LRRC69: variants seen among roughly 807,000 people sequenced by gnomAD.
The protein encoded by LRRC69 is leucine-rich repeat-containing protein 69.
In LRRC69, 42 loss-of-function variants were observed where a neutral mutation model predicts 37.8. That is an observed-to-expected ratio of 1.11 (90% CI 0.87 to 1.44). The LOEUF is 1.44. Ranked by LOEUF, LRRC69 falls within the 40% of genes most tolerant of loss-of-function variation. The pLI, the probability that LRRC69 is intolerant of heterozygous loss-of-function variation, is 0.00. For synonymous variants in LRRC69, 141 were observed against 143.1 expected, an observed-to-expected ratio of 0.99 and a Z score of 0.11; for missense variants, 357 against 401.9, an observed-to-expected ratio of 0.89 and a Z score of 0.96.
At chr8:91,206,329 A>C (rs1007571435) in intron 7 of LRRC69, among the ~76,000 whole-genome samples, 4 of 152,226 alleles carry the variant, frequency 2.6e-5, no homozygotes, top group African/African-American at 9.6e-5. Context: ...GTGGTTGAGC[A>C]GGAATTTGAA....
intron 6 of LRRC69, among the ~76,000 whole-genome samples, chr8:91,198,849 A>G (rs1022665282): frequency 2.0e-5 from 3 of 152,168 alleles, no homozygotes; most frequent in Non-Finnish European, 2.9e-5. Context: ...TGCCAATAGT[A>G]TTTTATTTTA....
intron 7 of LRRC69, among the ~76,000 whole-genome samples, chr8:91,204,671 C>A (rs536320345): frequency 2.0e-5 from 3 of 152,240 alleles, no homozygotes; most frequent in Non-Finnish European, 4.4e-5. Context: ...TCCCCAGGGA[C>A]AATCGATGAG....
chr8:91,128,342 T>C (rs1190876445), intron 3 of LRRC69, among the ~76,000 whole-genome samples: 9 of 152,068 alleles, frequency 5.9e-5, no homozygotes, highest in Non-Finnish European at 8.8e-5. Flanking sequence ...CTGTTTGGAA[T>C]ACAAATTACA....
chr8:91,166,493 A>G lies in LRRC69; in HGVS notation c.652-23029A>G, dbSNP rs1159001077. Among the ~76,000 whole-genome samples the G allele has an allele frequency of 1.3e-3, 18 of 13,674 alleles. 1 individual carries two copies. In the East Asian group the frequency reaches 0.015, roughly 12 times the overall value. The allele number at this position is 13,674 out of a possible 152,430, so 9.0% of individuals were successfully genotyped here. A position where few individuals can be genotyped will look rare whatever the true frequency, so the allele number is the denominator to read the frequency against. ...GAAGAGGGGGTTGTAAAATAAACTG[A>G]AAAAAAAAAAAAAAAAAAAAAAACC... is the stretch of plus-strand genomic sequence containing the variant. On this transcript the variant is annotated intron_variant, in intron 5 of 7. Transcript: ENST00000448384.
chr8:91,159,933 C>T lies in LRRC69; in HGVS notation c.651+24194C>T, dbSNP rs570245764. ...CCAACAACAGTGAACTGATGTTGTT[C>T]CTTGGAATAAAAGTCAATCCCCACC... On this transcript the variant is annotated intron_variant, in intron 5 of 7. Transcript: ENST00000448384. 8.2e-4 allele frequency among the ~76,000 whole-genome samples: 123 copies of T among 150,882 alleles called. 1 individual carries two copies. The Middle Eastern group carries it at 0.01, about 13-fold the overall frequency.
At chr8:91,142,777 T>C (rs1433366128) in intron 5 of LRRC69, among the ~76,000 whole-genome samples, 5 of 152,026 alleles carry the variant, frequency 3.3e-5, no homozygotes, top group Non-Finnish European at 5.9e-5. Flanking sequence ...GGCTACACTG[T>C]CAGGACTCCT....
chr8:91,216,227 A>G (rs1586297146), intron 7 of LRRC69, among the ~76,000 whole-genome samples: 1 of 152,144 alleles, frequency 6.6e-6, no homozygotes, highest in East Asian at 1.9e-4. Flanking sequence ...TAACTAAACA[A>G]TGTTTCCCCC....
intron 7 of LRRC69, among the ~76,000 whole-genome samples, chr8:91,212,441 C>A (rs1809947244): frequency 6.6e-6 from 1 of 152,070 alleles, no homozygotes; most frequent in South Asian, 2.1e-4. Context: ...ATTAAAACTA[C>A]CCTCAAAAGA....
chr8:91,152,292 A>G (rs1001479177), intron 5 of LRRC69, among the ~76,000 whole-genome samples: 1 of 151,222 alleles, frequency 6.6e-6, no homozygotes, highest in Admixed American at 6.6e-5. Context: ...TTCAATCTTG[A>G]GTTAATTTTT....
intron 7 of LRRC69, chr8:91,206,937 G>C: frequency 1.0e-6 from 1 of 959,522 alleles, no homozygotes; most frequent in Non-Finnish European, 1.4e-6. Context: ...AGAGAGTCTG[G>C]GCTATGTTTC....
At chr8:91,175,292 T>G (rs1410293925) in intron 5 of LRRC69, among the ~76,000 whole-genome samples, 1 of 152,128 alleles carries the variant, frequency 6.6e-6, no homozygotes, top group Non-Finnish European at 1.5e-5. Context: ...TGCATGAACA[T>G]TTAAGTCATC....
chr8:91,121,427 G>A (rs560281880), intron 1 of LRRC69, among the ~76,000 whole-genome samples: 32 of 151,610 alleles, frequency 2.1e-4, no homozygotes, highest in African/African-American at 5.3e-4. Context: ...CCTCTTTTTC[G>A]CTGAGTGTTC....
chr8:91,117,458 G>A (rs1214022551), intron 1 of LRRC69, among the ~76,000 whole-genome samples: 1 of 151,660 alleles, frequency 6.6e-6, no homozygotes, highest in Non-Finnish European at 1.5e-5. Context: ...AGAAGTGGGA[G>A]AAGCAGATCT....
chr8:91,165,650 C>G (rs1271601186), intron 5 of LRRC69, among the ~76,000 whole-genome samples: 1 of 151,626 alleles, frequency 6.6e-6, no homozygotes, highest in Non-Finnish European at 1.5e-5. Flanking sequence ...ATTCAAGTCA[C>G]ATGTACAACT....
intron 5 of LRRC69, among the ~76,000 whole-genome samples, chr8:91,136,722 C>T (rs561264204): frequency 4.0e-5 from 6 of 151,894 alleles, no homozygotes; most frequent in African/African-American, 1.4e-4. Flanking sequence ...AAGATCTTTC[C>T]CCCCTTCATG....
intron 7 of LRRC69, among the ~76,000 whole-genome samples, chr8:91,201,208 G>T (rs74615571): frequency 1.1e-3 from 168 of 152,206 alleles, no homozygotes; most frequent in Non-Finnish European, 7.4e-5. Context: ...CACTAAATAC[G>T]CATGAATGTG....
chr8:91,191,104 A>G (rs1809488932), intron 6 of LRRC69, among the ~76,000 whole-genome samples: 2 of 146,294 alleles, frequency 1.4e-5, no homozygotes. Flanking sequence ...GACCATTCTC[A>G]TAGTACATTT....
At chr8:91,176,712 A>C (rs4501547) in intron 5 of LRRC69, among the ~76,000 whole-genome samples, 102,840 of 151,982 alleles carry the variant, frequency 0.68, 35,275 homozygotes, top group African/African-American at 0.74. Context: ...CTGATGTCCT[A>C]GTTCAGTCAG....
chr8:91,183,504 A>G (rs183504036), intron 5 of LRRC69, among the ~76,000 whole-genome samples: 25 of 152,322 alleles, frequency 1.6e-4, no homozygotes, highest in African/African-American at 5.3e-4. Flanking sequence ...CATGAGTTCA[A>G]TCTTGGAAAC....
Sources: allele counts gnomAD v4.1 joint callset (sites outside exome capture counted in the v4.1 genomes callset), GRCh38; gene constraint gnomAD v4.1.1; transcripts MANE v1.5; gene names NCBI Gene and HGNC (gene_info 2026-07-23, HGNC 2026-07-21).